HEMK2: variants seen among roughly 807,000 people sequenced by gnomAD.
HEMK2 encodes the protein methyltransferase HEMK2.
the HEMK2 span, among the ~76,000 whole-genome samples, chr21:28,604,999 G>A: frequency 3.3e-5 from 5 of 152,174 alleles, no homozygotes; most frequent in East Asian, 1.9e-4. Context: ...CACTGACCAC[G>A]TCCTTGAATA....
the HEMK2 span, among the ~76,000 whole-genome samples, chr21:28,681,060 G>A: frequency 4.2e-4 from 64 of 152,268 alleles, no homozygotes; most frequent in African/African-American, 1.4e-3. Flanking sequence ...AGGGCAATTA[G>A]GCAGGAGAAG....
chr21:28,842,662 C>G, the HEMK2 span, among the ~76,000 whole-genome samples: 2 of 152,168 alleles, frequency 1.3e-5, no homozygotes, highest in African/African-American at 4.8e-5. Flanking sequence ...AACAACGTGC[C>G]CAGTCACAGA....
the HEMK2 span, among the ~76,000 whole-genome samples, chr21:28,821,852 AGAAGGTAT>A: frequency 6.6e-6 from 1 of 152,232 alleles, no homozygotes; most frequent in Non-Finnish European, 1.5e-5. Flanking sequence ...TTTACACATC[AGAAGGTAT>A]TTCAAGACCT....
the HEMK2 span, among the ~76,000 whole-genome samples, chr21:28,577,866 C>T: frequency 8.5e-5 from 13 of 152,160 alleles, no homozygotes; most frequent in African/African-American, 2.9e-4. Context: ...CCATTTATTT[C>T]TATTTCTAGT....
chr21:28,652,671 T>C, the HEMK2 span, among the ~76,000 whole-genome samples: 50 of 152,306 alleles, frequency 3.3e-4, no homozygotes, highest in Admixed American at 2.7e-3. Flanking sequence ...CCCTTTAGAC[T>C]ACCAGAAATA....
the HEMK2 span, among the ~76,000 whole-genome samples, chr21:28,834,693 C>CA: frequency 5.9e-5 from 9 of 152,174 alleles, no homozygotes; most frequent in Non-Finnish European, 1.2e-4. Context: ...ACTCCAAAGG[C>CA]AAGGGAAGAC....
At chr21:28,700,970 C>T in the HEMK2 span, among the ~76,000 whole-genome samples, 1 of 152,118 alleles carries the variant, frequency 6.6e-6, no homozygotes, top group Non-Finnish European at 1.5e-5. Flanking sequence ...AGGCTTTATC[C>T]CTGGGATGCA....
At chr21:28,845,583 CTTA>C in the HEMK2 span, among the ~76,000 whole-genome samples, 2 of 151,962 alleles carry the variant, frequency 1.3e-5, no homozygotes, top group Non-Finnish European at 2.9e-5. Flanking sequence ...TTGTTCAAAT[CTTA>C]TTTTCTTTCA....
the HEMK2 span, among the ~76,000 whole-genome samples, chr21:28,635,011 T>C: frequency 6.6e-6 from 1 of 152,046 alleles, no homozygotes; most frequent in Admixed American, 6.6e-5. Flanking sequence ...TGGTAGTTTA[T>C]CACGCAGGTA....
At chr21:28,732,919 G>A in the HEMK2 span, among the ~76,000 whole-genome samples, 88 of 152,220 alleles carry the variant, frequency 5.8e-4, no homozygotes, top group Middle Eastern at 3.4e-3. Flanking sequence ...TCCAGAATAA[G>A]GACTGTGCAA....
chr21:28,781,207 ATT>A, the HEMK2 span, among the ~76,000 whole-genome samples: 43 of 152,318 alleles, frequency 2.8e-4, no homozygotes, highest in African/African-American at 9.4e-4. Flanking sequence ...GCACTCTTTT[ATT>A]ATTTGACTTC....
chr21:28,822,927 G>C, the HEMK2 span, among the ~76,000 whole-genome samples: 1 of 152,040 alleles, frequency 6.6e-6, no homozygotes, highest in Non-Finnish European at 1.5e-5. Context: ...GCTGACAACT[G>C]TAGTATGTTT....
At chr21:28,621,227 C>T in the HEMK2 span, among the ~76,000 whole-genome samples, 1 of 152,166 alleles carries the variant, frequency 6.6e-6, no homozygotes, top group Admixed American at 6.5e-5. Context: ...CCTCTAAACA[C>T]TGTGTTAGCT....
chr21:28,882,298 A>G, the HEMK2 span: 7 of 1,393,592 alleles, frequency 5.0e-6, no homozygotes, highest in East Asian at 9.2e-5. Flanking sequence ...CATAAGGCAA[A>G]TCTGTTACTG....
chr21:28,636,589 C>T, the HEMK2 span, among the ~76,000 whole-genome samples: 4 of 152,172 alleles, frequency 2.6e-5, no homozygotes, highest in Non-Finnish European at 5.9e-5. Context: ...TCCCACTGCA[C>T]CACTGTAATT....
chr21:28,653,928 A>G, the HEMK2 span, among the ~76,000 whole-genome samples: 2 of 152,230 alleles, frequency 1.3e-5, no homozygotes, highest in African/African-American at 4.8e-5. Flanking sequence ...TTATCCCTTG[A>G]AGTCATTAGC....
the HEMK2 span, among the ~76,000 whole-genome samples, chr21:28,717,812 C>T: frequency 6.6e-6 from 1 of 152,052 alleles, no homozygotes; most frequent in Admixed American, 6.6e-5. Context: ...TTATTTGGAT[C>T]TTCTCTCTTT....
chr21:28,671,466 T>A, the HEMK2 span, among the ~76,000 whole-genome samples: 4 of 152,314 alleles, frequency 2.6e-5, no homozygotes, highest in East Asian at 3.9e-4. Context: ...TCTTCATATA[T>A]CCAGCCTTAG....
At chr21:28,605,657 A>G in the HEMK2 span, among the ~76,000 whole-genome samples, 6 of 152,256 alleles carry the variant, frequency 3.9e-5, no homozygotes, top group Admixed American at 2.0e-4. Flanking sequence ...ATATTTTAAC[A>G]TATATACAGA....
Sources: gnomAD v4.1 joint callset for allele counts (sites outside exome capture counted in the v4.1 genomes callset) on GRCh38, gnomAD v4.1.1 for gene constraint, MANE v1.5 for transcripts, NCBI Gene and HGNC (gene_info 2026-07-23, HGNC 2026-07-21) for gene names.